The following NELL1 variants were observed in gnomAD, a reference collection of about 807,000 sequenced individuals.
NELL1 encodes the protein neural EGFL like 1.
Under a neutral mutation model 107.4 loss-of-function variants are expected in NELL1, and 76 were observed. The observed-to-expected ratio is 0.71, with a 90% CI of 0.59 to 0.86. The LOEUF (loss-of-function observed/expected upper bound fraction) is 0.86. Ranked by LOEUF, NELL1 falls within the 40% of genes least tolerant of loss-of-function variation. The pLI, the probability that NELL1 is intolerant of heterozygous loss-of-function variation, is 0.00. For missense variants in NELL1, 1,024 were observed against 1,005.5 expected (o/e 1.02, Z -0.25); for synonymous variants, 353 against 341.2 (o/e 1.03, Z -0.38).
At chr11:21,461,840 T>C (rs1450282887) in intron 15 of NELL1, among the ~76,000 whole-genome samples, 1 of 152,004 alleles carries the variant, frequency 6.6e-6, no homozygotes, top group East Asian at 1.9e-4. Context: ...TGTGGTTCAG[T>C]GAATACCAAA....
chr11:20,761,423 C>T lies in NELL1; in HGVS notation c.185-22257C>T, dbSNP rs531193015. ...GTCTTCAGAAATAGTTACCAGTGTGCATCTGCACAGTAAACTTATGAAAAT... is the reference window on the plus strand; with the variant it reads ...GTCTTCAGAAATAGTTACCAGTGTGTATCTGCACAGTAAACTTATGAAAAT... On this transcript the variant is annotated intron_variant, in intron 2 of 19. Transcript: ENST00000357134. Among the ~76,000 whole-genome samples the T allele has an allele frequency of 4.6e-5, 7 of 152,338 alleles. No individual in the cohort carries two copies. In the South Asian group the frequency reaches 1.4e-3, roughly 32 times the overall value.
At chr11:20,990,402 T>G (rs1158544599) in intron 12 of NELL1, among the ~76,000 whole-genome samples, 1 of 152,182 alleles carries the variant, frequency 6.6e-6, no homozygotes, top group African/African-American at 2.4e-5. Context: ...GCTAGTTACC[T>G]TTCACAGTGC....
At chr11:20,683,327 T>A (rs1854233372) in intron 2 of NELL1, among the ~76,000 whole-genome samples, 1 of 152,086 alleles carries the variant, frequency 6.6e-6, no homozygotes, top group African/African-American at 2.4e-5. Flanking sequence ...AACTTTTGTT[T>A]TAGGTTCAGG....
chr11:20,797,901 T>C (rs908253634), intron 3 of NELL1, among the ~76,000 whole-genome samples: 1 of 152,136 alleles, frequency 6.6e-6, no homozygotes, highest in African/African-American at 2.4e-5. Flanking sequence ...GTTGAATAAA[T>C]TACCACAAAT....
intron 14 of NELL1, among the ~76,000 whole-genome samples, chr11:21,337,837 T>TTTCC (rs71034505): frequency 2.3e-5 from 2 of 86,614 alleles, no homozygotes; most frequent in African/African-American, 9.4e-5. Context: ...TCTTTCTTTC[T>TTTCC]TTTCTTTCTT....
intron 12 of NELL1, among the ~76,000 whole-genome samples, chr11:20,966,456 T>C (rs1201940616): frequency 6.6e-6 from 1 of 152,134 alleles, no homozygotes; most frequent in Non-Finnish European, 1.5e-5. Context: ...TGATTGGTCA[T>C]TGTCAGCAAA....
intron 14 of NELL1, among the ~76,000 whole-genome samples, chr11:21,293,842 A>G (rs911606604): frequency 6.6e-6 from 1 of 152,162 alleles, no homozygotes; most frequent in Admixed American, 6.5e-5. Flanking sequence ...AGAAAACCAA[A>G]CACCACATGA....
intron 1 of NELL1, among the ~76,000 whole-genome samples, chr11:20,677,092 C>A (rs1854077517): frequency 6.6e-6 from 1 of 152,186 alleles, no homozygotes. Flanking sequence ...TATTTCTCTG[C>A]ATTAAGGTTC....
At chr11:21,157,528 A>G (rs1054455146) in intron 13 of NELL1, among the ~76,000 whole-genome samples, 2 of 152,188 alleles carry the variant, frequency 1.3e-5, no homozygotes, top group Non-Finnish European at 2.9e-5. Flanking sequence ...AATTCTTGGT[A>G]TAGCAGTTCT....
chr11:20,691,766 C>T (rs1026759292), intron 2 of NELL1, among the ~76,000 whole-genome samples: 2 of 151,874 alleles, frequency 1.3e-5, no homozygotes, highest in Non-Finnish European at 2.9e-5. Flanking sequence ...GTGTCTCTGA[C>T]CGGCTTTGGT....
At chr11:21,342,401 G>A (rs1456898962) in intron 14 of NELL1, among the ~76,000 whole-genome samples, 1 of 109,364 alleles carries the variant, frequency 9.1e-6, no homozygotes, top group African/African-American at 3.6e-5. Flanking sequence ...AGTGCTTTGA[G>A]AGGCTTAAGT....
intron 12 of NELL1, among the ~76,000 whole-genome samples, chr11:21,084,127 A>G (rs1854333427): frequency 6.6e-6 from 1 of 152,136 alleles, no homozygotes. Context: ...ACATTGAAAT[A>G]TTGTAAGTAA....
In NELL1 at chr11:21,229,423, G is replaced by A. The variant is rs117696889; in HGVS notation, c.1518G>A (p.Pro506=). 8.8e-4 allele frequency: 1,419 copies of A among 1,613,932 alleles called. 3 individuals are homozygous for A. The highest frequency in any genetic ancestry group is 1.1e-3 in the Non-Finnish European group (1,271 of 1,179,904). ...TVQGHSCTCK[P]GYVGNGTICR... ...AGGGACACAGCTGCACCTGCAAACCGGGCTACGTGGGGAACGGGACCATCT... is the reference window on the plus strand; with the variant it reads ...AGGGACACAGCTGCACCTGCAAACCAGGCTACGTGGGGAACGGGACCATCT... The change falls in exon 14 of 20, where the codon CCG becomes CCA. Residue 506 remains proline, a synonymous_variant. Transcript: ENST00000357134.
At chr11:21,064,195 T>G (rs544664699) in intron 12 of NELL1, among the ~76,000 whole-genome samples, 2 of 152,220 alleles carry the variant, frequency 1.3e-5, no homozygotes, top group South Asian at 4.1e-4. Context: ...AGGGGCCAGA[T>G]GGTGTAGGGA....
intron 19 of NELL1, 102 bp downstream of exon 19, chr11:21,573,511 A>C (rs571083192): frequency 2.2e-5 from 21 of 971,184 alleles, no homozygotes; most frequent in African/African-American, 1.6e-4. Flanking sequence ...TTCAATGGAC[A>C]TGGTGGAAAC....
chr11:21,170,217 G>A, intron 13 of NELL1: 1 of 473,394 alleles, frequency 2.1e-6, no homozygotes, highest in South Asian at 2.8e-5. Flanking sequence ...CGAACGTGTT[G>A]GGAAAATTTC....
intron 11 of NELL1, among the ~76,000 whole-genome samples, chr11:20,959,145 A>G (rs1851238519): frequency 6.6e-6 from 1 of 152,216 alleles, no homozygotes; most frequent in Non-Finnish European, 1.5e-5. Flanking sequence ...AGAAAAGCAC[A>G]CCATAGTATA....
chr11:20,874,824 G>C (rs933055582), intron 4 of NELL1, among the ~76,000 whole-genome samples: 28 of 152,084 alleles, frequency 1.8e-4, no homozygotes, highest in African/African-American at 6.5e-4. Flanking sequence ...TTTCCCTCTT[G>C]GTGCTGCACA....
intron 3 of NELL1, among the ~76,000 whole-genome samples, chr11:20,802,512 A>G (rs762766503): frequency 6.6e-6 from 1 of 152,088 alleles, no homozygotes; most frequent in Non-Finnish European, 1.5e-5. Flanking sequence ...TCATCTGTAA[A>G]CAAGGATAAT....
Sources: gnomAD v4.1 joint callset for allele counts (sites outside exome capture counted in the v4.1 genomes callset) on GRCh38, gnomAD v4.1.1 for gene constraint, MANE v1.5 for transcripts, NCBI Gene and HGNC (gene_info 2026-07-23, HGNC 2026-07-21) for gene names.